Variants in ADAM23 observed in about 807,000 individuals in gnomAD.
ADAM23 encodes ADAM metallopeptidase domain 23, also known as disintegrin and metalloproteinase domain-containing protein 23.
In ADAM23, 33 loss-of-function variants were observed where a neutral mutation model predicts 120.1. The observed-to-expected ratio is 0.27, with a 90% CI of 0.21 to 0.37. ADAM23 has a LOEUF of 0.37. Ranked by LOEUF, ADAM23 falls within the 10% of genes least tolerant of loss-of-function variation. The pLI is 1.00. For synonymous variants in ADAM23, 367 were observed against 375.2 expected, an observed-to-expected ratio of 0.98 and a Z score of 0.25; for missense variants, 862 against 1,058.2, an observed-to-expected ratio of 0.81 and a Z score of 2.57.
chr2:206,567,151 G>C, intron 14 of ADAM23, 72 bp from the exon 15 acceptor site: 1 of 1,150,886 alleles, frequency 8.7e-7, no homozygotes, highest in Non-Finnish European at 1.3e-6. Flanking sequence ...TTCTAATTTA[G>C]GGGTTTTAAT....
chr2:206,559,190 C>T (rs1333485228), intron 10 of ADAM23, among the ~76,000 whole-genome samples: 1 of 152,166 alleles, frequency 6.6e-6, no homozygotes, highest in Non-Finnish European at 1.5e-5. Flanking sequence ...GTGAAGCACC[C>T]GCCTCGGCCT....
chr2:206,550,354 A>G (rs1697488464), intron 9 of ADAM23, among the ~76,000 whole-genome samples, 194 bp downstream of exon 9: 1 of 152,124 alleles, frequency 6.6e-6, no homozygotes, highest in Non-Finnish European at 1.5e-5. Context: ...CTTTCCTTAC[A>G]TTTAATAATT....
intron 24 of ADAM23, among the ~76,000 whole-genome samples, chr2:206,599,064 G>A (rs1698585978): frequency 1.3e-5 from 2 of 151,200 alleles, no homozygotes; most frequent in Admixed American, 6.6e-5. Context: ...AATTAGCCGG[G>A]CATGGTGGTG....
In ADAM23 at chr2:206,542,098, A is replaced by G; in HGVS notation, c.620A>G (p.Asp207Gly). The G allele has an allele frequency of 6.2e-7, 1 of 1,614,050 alleles. No individual in the cohort carries two copies. Among genetic ancestry groups the G allele is most frequent in the South Asian group, 1.1e-5 (1 of 91,076 alleles). Residue 207 changes from aspartate (D) to glycine (G), a missense_variant, in exon 5 of 26, where the codon GAC becomes GGC. Around this residue, in one of 4 missense-constraint regions of ADAM23, gnomAD observed 617 missense variants for 813.5 expected, o/e 0.76. Transcript: ENST00000264377. ...CATGGAAGCATCAGAGGCGTCAAAGACTCCAAGGTGGCTCTGTCAACCTGC... is the reference window on the plus strand; with the variant it reads ...CATGGAAGCATCAGAGGCGTCAAAGGCTCCAAGGTGGCTCTGTCAACCTGC... Reference protein sequence around the residue: ...YYHGSIRGVKDSKVALSTCNG... With the variant: ...YYHGSIRGVKGSKVALSTCNG...
At chr2:206,546,177 A>T (rs1257751109) in intron 6 of ADAM23, among the ~76,000 whole-genome samples, 2 of 152,150 alleles carry the variant, frequency 1.3e-5, no homozygotes, top group Non-Finnish European at 2.9e-5. Flanking sequence ...CCTTTTGGTT[A>T]TGTAATGATT....
chr2:206,497,123 A>T (rs1189740332), intron 3 of ADAM23, among the ~76,000 whole-genome samples: 1 of 152,210 alleles, frequency 6.6e-6, no homozygotes, highest in Non-Finnish European at 1.5e-5. Context: ...ATCAATAGAA[A>T]ATGAGGGAAT....
In ADAM23 at chr2:206,588,087, C is replaced by T. The variant is rs2105845701; in HGVS notation, c.1789-4C>T. 3.1e-6 allele frequency: 5 copies of T among 1,614,002 alleles called. No homozygotes were observed. In the South Asian group the frequency reaches 4.4e-5, roughly 14 times the overall value. On this transcript the variant is annotated splice_polypyrimidine_tract_variant and splice_region_variant and intron_variant, in intron 19 of 25. Coordinates refer to ENST00000264377, the MANE Select transcript of ADAM23 (RefSeq NM_003812.4). ...GTGCCTCACATGTGTGCTCCTGTCC[C>T]CAGGGCCGCTGCTACAATGGCGAGT...
chr2:206,466,371 G>A (rs1245966266), intron 2 of ADAM23, among the ~76,000 whole-genome samples: 1 of 152,076 alleles, frequency 6.6e-6, no homozygotes, highest in African/African-American at 2.4e-5. Context: ...AATATCTCTT[G>A]GTTTTCAAAG....
At chr2:206,577,785 G>T (rs1698144267) in intron 18 of ADAM23, among the ~76,000 whole-genome samples, 1 of 151,570 alleles carries the variant, frequency 6.6e-6, no homozygotes. Context: ...CCCAGTAATG[G>T]GATGGCTTGG....
At chr2:206,466,661 C>A (rs147781062) in intron 2 of ADAM23, among the ~76,000 whole-genome samples, 62 of 152,268 alleles carry the variant, frequency 4.1e-4, no homozygotes, top group Admixed American at 1.6e-3. Flanking sequence ...AAGGATATAT[C>A]TTTAATTAGT....
intron 18 of ADAM23, among the ~76,000 whole-genome samples, chr2:206,583,424 G>A (rs1013020024): frequency 1.3e-5 from 2 of 151,508 alleles, no homozygotes; most frequent in East Asian, 3.9e-4. Context: ...ACTGCACTCT[G>A]GCCTGGGCGA....
chr2:206,594,594 G>A, intron 22 of ADAM23, 143 bp from the exon 23 acceptor site: 2 of 821,132 alleles, frequency 2.4e-6, no homozygotes, highest in Non-Finnish European at 3.8e-6. Context: ...AGGGAAAGGG[G>A]AAGAAGAAGA....
Position 206,599,058 on chromosome 2 carries a change from A to G in ADAM23, c.2359+2896A>G, listed in dbSNP as rs191569163. Among the ~76,000 whole-genome samples, 8 of 151,786 alleles carry G rather than the reference A, an allele frequency of 5.3e-5. No homozygotes were observed. In the East Asian group the frequency reaches 1.2e-3, roughly 22 times the overall value. On this transcript the variant is annotated intron_variant, in intron 24 of 25. Coordinates refer to ENST00000264377, the MANE Select transcript of ADAM23 (RefSeq NM_003812.4). ...CATCTCTACTAAAAATACAAAAATT[A>G]GCCGGGCATGGTGGTGCGTGCCTGT...
intron 4 of ADAM23, among the ~76,000 whole-genome samples, chr2:206,534,847 A>G (rs770527185): frequency 1.1e-4 from 16 of 151,818 alleles, no homozygotes; most frequent in Non-Finnish European, 1.5e-4. Context: ...TCCTAGGTCT[A>G]TTTCCTCACC....
At chr2:206,543,839 A>T (rs1697342946) in intron 6 of ADAM23, among the ~76,000 whole-genome samples, 1 of 152,186 alleles carries the variant, frequency 6.6e-6, no homozygotes, top group Non-Finnish European at 1.5e-5. Context: ...AGCAACCTGG[A>T]TGGAATTGGA....
intron 9 of ADAM23, among the ~76,000 whole-genome samples, chr2:206,551,195 A>T (rs1697518606): frequency 1.3e-5 from 2 of 152,258 alleles, no homozygotes; most frequent in South Asian, 4.1e-4. Flanking sequence ...CTCTTGATTT[A>T]TAATGTTTGC....
At chr2:206,552,563 A>G (rs906490568) in intron 9 of ADAM23, among the ~76,000 whole-genome samples, 4 of 152,094 alleles carry the variant, frequency 2.6e-5, no homozygotes, top group East Asian at 1.9e-4. Context: ...TCTACACACC[A>G]TGTCACATGT....
chr2:206,549,887 TAC>T (rs1697477721), intron 8 of ADAM23, among the ~76,000 whole-genome samples: 1 of 152,228 alleles, frequency 6.6e-6, no homozygotes, highest in Admixed American at 6.5e-5. Context: ...GATAATAAAA[TAC>T]AGTTATTTTC....
chr2:206,547,366 A>G, intron 6 of ADAM23, 63 bp from the exon 7 acceptor site: 1 of 1,379,482 alleles, frequency 7.2e-7, no homozygotes, highest in South Asian at 1.3e-5. Flanking sequence ...AAGTTCCAAC[A>G]CTGTTTCATA....
Sources: gnomAD v4.1 joint callset for allele counts (sites outside exome capture counted in the v4.1 genomes callset) on GRCh38, gnomAD v4.1.1 for gene constraint, gnomAD v4.1.1 regional missense constraint, MANE v1.5 for transcripts, NCBI Gene and HGNC (gene_info 2026-07-23, HGNC 2026-07-21) for gene names.